Variants in DMD observed in about 807,000 individuals in gnomAD.
DMD encodes the protein mutant dystrophin.
Under a neutral mutation model 330.1 loss-of-function variants are expected in DMD, and 63 were observed. That is an observed-to-expected ratio of 0.19 (90% CI 0.16 to 0.24). DMD has a LOEUF of 0.24. DMD is among the 10% of genes least tolerant of loss of function. The probability of loss-of-function intolerance (pLI) is 1.00; values close to 1 mark genes in which losing one functional copy is unlikely to be tolerated. For synonymous variants in DMD, 1,223 were observed against 959.8 expected (o/e 1.27, Z -5.07); for missense variants, 3,344 against 2,684.1 (o/e 1.25, Z -5.43).
At chrX:33,077,493 G>C (rs1603241407) in intron 1 of DMD, among the ~76,000 whole-genome samples, 1 of 111,361 alleles carries the variant, frequency 9.0e-6, no homozygotes, top group African/African-American at 3.3e-5. Flanking sequence ...GCCGTCGATC[G>C]CTCTGGCTTC....
At chrX:32,680,611 C>G (rs949846406) in intron 9 of DMD, among the ~76,000 whole-genome samples, 8 of 112,037 alleles carry the variant, frequency 7.1e-5, no homozygotes, top group African/African-American at 2.6e-4. Flanking sequence ...ATTATGAATG[C>G]CCAATATTTG....
At chrX:31,752,651 T>C (rs1340919871) in intron 51 of DMD, among the ~76,000 whole-genome samples, 1 of 111,462 alleles carries the variant, frequency 9.0e-6, no homozygotes, top group Non-Finnish European at 1.9e-5. Context: ...GACAAGCTGC[T>C]CTTCAGGAAT....
intron 45 of DMD, among the ~76,000 whole-genome samples, chrX:31,936,196 C>T (rs186935862): frequency 5.4e-5 from 6 of 110,782 alleles, no homozygotes; most frequent in African/African-American, 6.6e-5. Flanking sequence ...TAATGAATAA[C>T]CCTACAATAA....
At chrX:32,194,995 T>G (rs912103294) in intron 44 of DMD, among the ~76,000 whole-genome samples, 2 of 111,060 alleles carry the variant, frequency 1.8e-5, no homozygotes, top group South Asian at 3.8e-4. Context: ...ACAACAGTAG[T>G]AAGAGAATGT....
chrX:33,263,334 G>A (rs1001599133), intron 1 of DMD, among the ~76,000 whole-genome samples: 3 of 109,246 alleles, frequency 2.7e-5, no homozygotes, highest in African/African-American at 9.9e-5. Context: ...TGCTTTTGCT[G>A]TTAAAGGCAA....
intron 44 of DMD, among the ~76,000 whole-genome samples, chrX:32,144,961 G>T (rs912263857): frequency 9.0e-6 from 1 of 111,579 alleles, no homozygotes; most frequent in Non-Finnish European, 1.9e-5. Flanking sequence ...TTGAACCTGG[G>T]TGGTAGAGGT....
intron 60 of DMD, among the ~76,000 whole-genome samples, chrX:31,404,677 T>C (rs1206772023): frequency 9.0e-6 from 1 of 111,662 alleles, no homozygotes; most frequent in East Asian, 2.8e-4. Context: ...TGGAATGAGG[T>C]AAAAGCATAA....
intron 7 of DMD, among the ~76,000 whole-genome samples, chrX:32,731,567 G>C (rs569403239): frequency 3.6e-5 from 4 of 112,447 alleles, no homozygotes; most frequent in African/African-American, 1.3e-4. Context: ...GGAGATCTGA[G>C]AAGGGGCAGA....
chrX:32,687,495 G>C (rs1198933375), intron 9 of DMD, among the ~76,000 whole-genome samples: 1 of 111,012 alleles, frequency 9.0e-6, no homozygotes, highest in Non-Finnish European at 1.9e-5. Flanking sequence ...AGTCACAAAA[G>C]GCAATAGAGT....
chrX:32,901,941 C>T (rs914553377), intron 2 of DMD, among the ~76,000 whole-genome samples: 2 of 109,863 alleles, frequency 1.8e-5, no homozygotes, highest in Non-Finnish European at 3.8e-5. Flanking sequence ...AGTATAAAAT[C>T]GCTCTTCAGT....
intron 55 of DMD, among the ~76,000 whole-genome samples, chrX:31,556,431 G>A (rs968692312): frequency 2.8e-5 from 3 of 106,931 alleles, no homozygotes; most frequent in African/African-American, 1.0e-4. Flanking sequence ...AAAACACCTC[G>A]GAGTTGATGA....
chrX:32,234,305 T>C (rs1313276309), intron 43 of DMD, among the ~76,000 whole-genome samples: 1 of 112,074 alleles, frequency 8.9e-6, no homozygotes, highest in African/African-American at 3.2e-5. Flanking sequence ...GATGAGAGCA[T>C]AGGAGAAGCT....
At chrX:32,126,655 A>G (rs895728036) in intron 44 of DMD, among the ~76,000 whole-genome samples, 12 of 112,027 alleles carry the variant, frequency 1.1e-4, no homozygotes, top group Admixed American at 1.9e-4. Context: ...GGGCAAATTC[A>G]TATGTTTAAT....
intron 44 of DMD, among the ~76,000 whole-genome samples, chrX:32,055,944 T>C (rs190089773): frequency 1.1e-3 from 123 of 111,161 alleles, no homozygotes; most frequent in Non-Finnish European, 1.6e-3. Flanking sequence ...CAACCCTCAG[T>C]TTCTCCATCT....
intron 1 of DMD, among the ~76,000 whole-genome samples, chrX:33,336,496 A>G (rs2054256818): frequency 9.8e-6 from 1 of 101,670 alleles, no homozygotes; most frequent in African/African-American, 3.9e-5. Flanking sequence ...TGACAGTCTT[A>G]TCACAAAAAG....
At chrX:31,144,419 T>C (rs1405359459) in intron 76 of DMD, among the ~76,000 whole-genome samples, 1 of 112,141 alleles carries the variant, frequency 8.9e-6, no homozygotes, top group East Asian at 2.8e-4. Flanking sequence ...GGAGGCACCA[T>C]GTTAGATGTA....
chrX:31,774,396 G>T (rs1262134451), intron 50 of DMD, among the ~76,000 whole-genome samples: 2 of 111,185 alleles, frequency 1.8e-5, no homozygotes, highest in Non-Finnish European at 3.8e-5. Flanking sequence ...AAAATGAAAA[G>T]ATTCAACCTT....
chrX:31,850,214 T>C (rs2093498854), intron 48 of DMD, among the ~76,000 whole-genome samples: 1 of 111,681 alleles, frequency 9.0e-6, no homozygotes, highest in African/African-American at 3.3e-5. Flanking sequence ...TAATCTATCA[T>C]TGATGATAAG....
chrX:32,071,701 T>C (rs905218311), intron 44 of DMD, among the ~76,000 whole-genome samples: 9 of 110,594 alleles, frequency 8.1e-5, no homozygotes, highest in African/African-American at 3.0e-4. Flanking sequence ...AACTTACTCA[T>C]GTAACCAAAT....
Sources: gnomAD v4.1 joint callset for allele counts (sites outside exome capture counted in the v4.1 genomes callset) on GRCh38, gnomAD v4.1.1 for gene constraint, MANE v1.5 for transcripts, NCBI Gene and HGNC (gene_info 2026-07-23, HGNC 2026-07-21) for gene names.